Variants in NPTN observed in about 807,000 individuals in gnomAD.
NPTN encodes the protein neuroplastin, also known as SDR-1.
Under a neutral mutation model 42.7 loss-of-function variants are expected in NPTN, and 5 were observed. The ratio of observed to expected loss-of-function variants is 0.12; its 90% CI spans 0.06 to 0.25. NPTN has a LOEUF of 0.25. Among genes scored for constraint, NPTN ranks in the 10% least tolerant of loss-of-function variants. The pLI, the probability that NPTN is intolerant of heterozygous loss-of-function variation, is 1.00. For synonymous variants in NPTN, 180 were observed against 201.9 expected (o/e 0.89, Z 0.92); for missense variants, 307 against 525.4 (o/e 0.58, Z 4.06).
intron 6 of NPTN, chr15:73,568,864 A>G (rs1895200535): frequency 7.1e-6 from 7 of 985,574 alleles, no homozygotes; most frequent in Non-Finnish European, 8.4e-6. Flanking sequence ...AGAGAGATTT[A>G]TAACTGCTGA....
chr15:73,617,305 T>C (rs558116971), intron 1 of NPTN, among the ~76,000 whole-genome samples: 10 of 152,344 alleles, frequency 6.6e-5, no homozygotes, highest in African/African-American at 2.4e-4. Flanking sequence ...AAAGTATTAT[T>C]TGAAGTTATC....
chr15:73,598,832 T>C (rs1343341009), intron 1 of NPTN, among the ~76,000 whole-genome samples: 1 of 152,212 alleles, frequency 6.6e-6, no homozygotes, highest in Non-Finnish European at 1.5e-5. Context: ...CAGGGCTAGC[T>C]GAAAATGGAG....
At chr15:73,607,419 C>A (rs777948143) in intron 1 of NPTN, among the ~76,000 whole-genome samples, 2 of 152,186 alleles carry the variant, frequency 1.3e-5, no homozygotes, top group Non-Finnish European at 2.9e-5. Flanking sequence ...TACCAAAATT[C>A]ATCTCATTCT....
intron 1 of NPTN, among the ~76,000 whole-genome samples, chr15:73,622,156 ACAAACAAAAAAAAC>A (rs1898164694): frequency 6.6e-6 from 1 of 152,158 alleles, no homozygotes; most frequent in African/African-American, 2.4e-5. Flanking sequence ...ATCTCTGAAA[ACAAACAAAAAAAAC>A]CAAACAAAAA....
At chr15:73,568,080 T>A in intron 6 of NPTN, 1 of 985,506 alleles carries the variant, frequency 1.0e-6, no homozygotes, top group Non-Finnish European at 1.2e-6. Flanking sequence ...TGGTCCCCCA[T>A]TTGATTTCAG....
At chr15:73,618,500 TG>T (rs1427233155) in intron 1 of NPTN, among the ~76,000 whole-genome samples, 3 of 152,038 alleles carry the variant, frequency 2.0e-5, no homozygotes, top group African/African-American at 7.2e-5. Flanking sequence ...TAGAAACAAC[TG>T]AAGATACCAG....
rs371300963 is a variant in NPTN at position 73,570,333 on chromosome 15, G to T, written c.931C>A (p.Pro311Thr). 2 of 1,614,010 alleles carry T rather than the reference G, an allele frequency of 1.2e-6. No homozygotes were observed. The highest frequency in any genetic ancestry group is 2.7e-5 in the African/African-American group (2 of 74,928). ...GTGGCATTACATTCATACTCGCCAG[G>T]GTCTTCCGTGATCTGCAGGTTCACA... is the stretch of plus-strand genomic sequence containing the variant. The part of the protein sequence containing the change: ...NIVNLQITED[P>T]GEYECNATNA... Residue 311 changes from proline to threonine, a missense_variant, in exon 6 of 9, where the codon CCT becomes ACT. This residue lies in a region of NPTN where 264 missense variants were observed against 491.1 expected (regional missense o/e 0.54). Transcript: ENST00000345330. This position sits in a 1 kb window ranked among gnomAD's most constrained non-coding sequence, Gnocchi z 4.0.
intron 4 of NPTN, among the ~76,000 whole-genome samples, chr15:73,583,057 C>A (rs185844796): frequency 2.8e-4 from 42 of 152,292 alleles, no homozygotes; most frequent in African/African-American, 7.2e-4. Flanking sequence ...CTCTAGGAAA[C>A]ACTAATACAC....
At chr15:73,603,999 A>C (rs1897178221) in intron 1 of NPTN, among the ~76,000 whole-genome samples, 1 of 152,184 alleles carries the variant, frequency 6.6e-6, no homozygotes, top group Non-Finnish European at 1.5e-5. Flanking sequence ...TGCAAATGTT[A>C]AGTTACTTTA....
intron 1 of NPTN, among the ~76,000 whole-genome samples, chr15:73,622,840 C>T (rs1195730493): frequency 6.6e-6 from 1 of 152,168 alleles, no homozygotes; most frequent in South Asian, 2.1e-4. Context: ...TGCCATATTA[C>T]GTAAATAAAA....
chr15:73,594,015 T>A (rs1474693925), intron 2 of NPTN, among the ~76,000 whole-genome samples: 1 of 151,860 alleles, frequency 6.6e-6, no homozygotes, highest in Non-Finnish European at 1.5e-5. Flanking sequence ...GCAGAAAGCA[T>A]CACAATTCCA....
intron 1 of NPTN, among the ~76,000 whole-genome samples, chr15:73,622,560 T>C (rs1412219980): frequency 6.7e-6 from 1 of 149,474 alleles, no homozygotes; most frequent in Non-Finnish European, 1.5e-5. Flanking sequence ...ACAGCTTTAA[T>C]TTCAGAGAAT....
chr15:73,569,300 G>T lies in NPTN; in HGVS notation c.1114+850C>A, dbSNP rs139397520. 9.1e-6 allele frequency: 9 copies of T among 985,400 alleles called. No individual in the cohort carries two copies. Among genetic ancestry groups the T allele is most frequent in the Non-Finnish European group, 1.1e-5 (9 of 830,036 alleles). 61.0% of individuals were successfully genotyped at this position (985,400 alleles called of 1,614,324 possible). Reference sequence around the variant, plus strand: ...AGCTTCCCCCTTCACAGGAAAAATCGATCACCAAAAATTTCCCAAGGCTTT... The same window carrying T: ...AGCTTCCCCCTTCACAGGAAAAATCTATCACCAAAAATTTCCCAAGGCTTT... On this transcript the variant is annotated intron_variant, in intron 6 of 8. Coordinates refer to ENST00000345330, the MANE Select transcript of NPTN (RefSeq NM_012428.4). This position sits in a 1 kb window ranked among gnomAD's most constrained non-coding sequence, Gnocchi z 4.1.
chr15:73,585,562 A>G (rs768449773), intron 4 of NPTN, among the ~76,000 whole-genome samples: 3 of 152,240 alleles, frequency 2.0e-5, no homozygotes, highest in African/African-American at 4.8e-5. Context: ...TCAACTATCC[A>G]TAACTGGGAA....
At chr15:73,568,855 G>C in intron 6 of NPTN, 4 of 985,570 alleles carry the variant, frequency 4.1e-6, no homozygotes, top group Non-Finnish European at 4.8e-6. Context: ...ACTGCAGGCA[G>C]AGAGATTTAT....
chr15:73,596,917 G>T (rs1896860576), intron 2 of NPTN, 105 bp downstream of exon 2: 1 of 909,608 alleles, frequency 1.1e-6, no homozygotes, highest in Non-Finnish European at 1.7e-6. Context: ...GACAAGGGGT[G>T]GGGTGAGTGA....
chr15:73,629,824 A>C (rs1043447205), intron 1 of NPTN, among the ~76,000 whole-genome samples: 1 of 152,056 alleles, frequency 6.6e-6, no homozygotes, highest in African/African-American at 2.4e-5. Context: ...GCCCACTTGA[A>C]AGATTTGGTT....
chr15:73,567,225 C>T, intron 6 of NPTN: 1 of 984,964 alleles, frequency 1.0e-6, no homozygotes, highest in Non-Finnish European at 1.2e-6. Flanking sequence ...GACGACTGTG[C>T]ATTCATATAA....
At chr15:73,565,715 G>A (rs1894948450) in intron 6 of NPTN, 1 of 456,314 alleles carries the variant, frequency 2.2e-6, no homozygotes, top group East Asian at 7.0e-5. Context: ...AAGAGGACTG[G>A]GGGGATAATG....
Sources: allele counts gnomAD v4.1 joint callset (sites outside exome capture counted in the v4.1 genomes callset), GRCh38; gene constraint gnomAD v4.1.1; regional missense constraint gnomAD v4.1.1; non-coding constraint Gnocchi (gnomAD v3.1); transcripts MANE v1.5; gene names NCBI Gene and HGNC (gene_info 2026-07-23, HGNC 2026-07-21).